The following ITFG1 variants were observed in gnomAD, a reference collection of about 807,000 sequenced individuals.
ITFG1 encodes the protein T-cell immunomodulatory protein.
A neutral mutation model predicts 81.8 loss-of-function variants in ITFG1; 34 were observed. That is an observed-to-expected ratio of 0.42 (90% CI 0.32 to 0.55). The LOEUF (loss-of-function observed/expected upper bound fraction) is 0.55. Among genes scored for constraint, ITFG1 ranks in the 20% least tolerant of loss-of-function variants. ITFG1 has a pLI of 0.17. For missense variants in ITFG1, 672 were observed against 755.4 expected (o/e 0.89, Z 1.29); for synonymous variants, 285 against 270.6 (o/e 1.05, Z -0.52).
chr16:47,215,825 T>C (rs1321343244), intron 14 of ITFG1, among the ~76,000 whole-genome samples: 2 of 152,234 alleles, frequency 1.3e-5, no homozygotes, highest in East Asian at 1.9e-4. Flanking sequence ...TAGATTTTTT[T>C]CAAGTTTGTG....
chr16:47,337,512 G>A (rs1967722656), intron 8 of ITFG1, among the ~76,000 whole-genome samples: 1 of 152,200 alleles, frequency 6.6e-6, no homozygotes. Context: ...GGAGGTTGCA[G>A]TGAGCCAAGG....
chr16:47,428,946 G>A, intron 5 of ITFG1, 48 bp from the exon 6 acceptor site: 1 of 990,622 alleles, frequency 1.0e-6, no homozygotes, highest in South Asian at 1.5e-5. Context: ...CATCAAATGA[G>A]CATTATTTTA....
intron 8 of ITFG1, among the ~76,000 whole-genome samples, chr16:47,332,139 G>A (rs934216016): frequency 6.6e-6 from 1 of 151,934 alleles, no homozygotes; most frequent in East Asian, 1.9e-4. Flanking sequence ...AAGGGTAGAG[G>A]TGGTGTAACT....
At chr16:47,356,619 C>T (rs1968043569) in intron 8 of ITFG1, among the ~76,000 whole-genome samples, 1 of 152,160 alleles carries the variant, frequency 6.6e-6, no homozygotes, top group Non-Finnish European at 1.5e-5. Flanking sequence ...AGTCACTATC[C>T]ATCCATCACC....
chr16:47,247,595 G>T (rs2151537582), intron 12 of ITFG1, among the ~76,000 whole-genome samples: 1 of 152,262 alleles, frequency 6.6e-6, no homozygotes, highest in South Asian at 2.1e-4. Context: ...GCTAATGAAA[G>T]ATGTGATCAT....
chr16:47,432,922 T>C (rs548326217), intron 5 of ITFG1, among the ~76,000 whole-genome samples: 1 of 152,194 alleles, frequency 6.6e-6, no homozygotes, highest in Non-Finnish European at 1.5e-5. Context: ...TAACCCAAAG[T>C]AATTTCAGAA....
At chr16:47,315,890 A>G (rs1010871965) in intron 8 of ITFG1, among the ~76,000 whole-genome samples, 4 of 151,936 alleles carry the variant, frequency 2.6e-5, no homozygotes, top group Non-Finnish European at 5.9e-5. Flanking sequence ...TCCTGGGTTC[A>G]AGCAATTCTC....
intron 16 of ITFG1, 96 bp from the exon 17 acceptor site, chr16:47,159,086 ACAGT>A (rs1596772278): frequency 5.6e-6 from 3 of 536,864 alleles, no homozygotes; most frequent in Non-Finnish European, 9.8e-6. Flanking sequence ...TATTAATTAA[ACAGT>A]CAATGTATTC....
At chr16:47,385,944 A>G (rs1212601022) in intron 6 of ITFG1, among the ~76,000 whole-genome samples, 1 of 152,232 alleles carries the variant, frequency 6.6e-6, no homozygotes, top group Admixed American at 6.5e-5. Context: ...AACATGGAAG[A>G]ATATTCCTTT....
At chr16:47,341,530 G>T (rs899002830) in intron 8 of ITFG1, among the ~76,000 whole-genome samples, 1 of 150,640 alleles carries the variant, frequency 6.6e-6, no homozygotes, top group Non-Finnish European at 1.5e-5. Context: ...AGCTTTAGAA[G>T]AAAAAAGATC....
At chr16:47,248,463 C>G (rs1251847924) in intron 12 of ITFG1, among the ~76,000 whole-genome samples, 1 of 152,112 alleles carries the variant, frequency 6.6e-6, no homozygotes, top group Non-Finnish European at 1.5e-5. Flanking sequence ...TGTTAAAGTT[C>G]TCTGGCATAA....
At chr16:47,232,985 A>AGT (rs1965833000) in intron 13 of ITFG1, among the ~76,000 whole-genome samples, 1 of 152,104 alleles carries the variant, frequency 6.6e-6, no homozygotes, top group Non-Finnish European at 1.5e-5. Context: ...GATTTTGCAA[A>AGT]TTTTTAAAAA....
intron 12 of ITFG1, among the ~76,000 whole-genome samples, chr16:47,244,284 C>T (rs551812708): frequency 4.9e-4 from 74 of 152,228 alleles, no homozygotes; most frequent in African/African-American, 1.5e-3. Context: ...TCATGGGAAC[C>T]CTGATTCATG....
At chr16:47,217,395 T>C (rs1448697682) in intron 14 of ITFG1, among the ~76,000 whole-genome samples, 1 of 152,226 alleles carries the variant, frequency 6.6e-6, no homozygotes, top group Non-Finnish European at 1.5e-5. Context: ...ACTAGGTTCA[T>C]GAAATGCAAT....
chr16:47,188,140 T>C (rs1223776494), intron 14 of ITFG1, among the ~76,000 whole-genome samples: 29 of 149,582 alleles, frequency 1.9e-4, no homozygotes, highest in African/African-American at 4.6e-4. Context: ...TGTGGAGAAA[T>C]AGGAACACTT....
At chr16:47,293,190 T>TA (rs1966933713) in intron 10 of ITFG1, among the ~76,000 whole-genome samples, 1 of 147,554 alleles carries the variant, frequency 6.8e-6, no homozygotes, top group African/African-American at 2.5e-5. Flanking sequence ...AAATGATATA[T>TA]ATTATATATC....
At chr16:47,387,908 A>G (rs1207184114) in intron 6 of ITFG1, among the ~76,000 whole-genome samples, 1 of 152,154 alleles carries the variant, frequency 6.6e-6, no homozygotes, top group African/African-American at 2.4e-5. Flanking sequence ...TCACAGACAA[A>G]AACTTTAAAG....
chr16:47,445,931 G>T (rs761617575), intron 5 of ITFG1, among the ~76,000 whole-genome samples: 1 of 152,026 alleles, frequency 6.6e-6, no homozygotes, highest in African/African-American at 2.4e-5. Context: ...TTTAGAACTT[G>T]GAAGATCCAG....
chr16:47,312,949 A>C (rs1967289980), intron 9 of ITFG1: 2 of 152,208 alleles, frequency 1.3e-5, no homozygotes, highest in Non-Finnish European at 2.9e-5. Context: ...CTAAAGTTTT[A>C]AGTGATTCAA....
Sources: gnomAD v4.1 joint callset for allele counts (sites outside exome capture counted in the v4.1 genomes callset) on GRCh38, gnomAD v4.1.1 for gene constraint, MANE v1.5 for transcripts, NCBI Gene and HGNC (gene_info 2026-07-23, HGNC 2026-07-21) for gene names.